CACNA2D1: variants seen among roughly 807,000 people sequenced by gnomAD.
CACNA2D1 encodes the protein calcium voltage-gated channel auxiliary subunit alpha2delta 1, also known as voltage-dependent calcium channel subunit alpha-2/delta-1.
A neutral mutation model predicts 171.5 loss-of-function variants in CACNA2D1; 53 were observed. The ratio of observed to expected loss-of-function variants is 0.31; its 90% CI spans 0.25 to 0.39. CACNA2D1 has a LOEUF of 0.39. Among genes scored for constraint, CACNA2D1 ranks in the 10% least tolerant of loss-of-function variants. CACNA2D1 has a pLI of 1.00. For synonymous variants in CACNA2D1, 442 were observed against 443.1 expected (o/e 1.00, Z 0.03); for missense variants, 903 against 1,299.8 (o/e 0.69, Z 4.69).
At chr7:82,079,828 G>A (rs1052641592) in intron 7 of CACNA2D1, among the ~76,000 whole-genome samples, 1 of 151,758 alleles carries the variant, frequency 6.6e-6, no homozygotes, top group Non-Finnish European at 1.5e-5. Flanking sequence ...TAGAGAGGAG[G>A]AATAAATTCA....
intron 3 of CACNA2D1, among the ~76,000 whole-genome samples, chr7:82,323,472 G>A (rs1816254669): frequency 6.6e-6 from 1 of 152,144 alleles, no homozygotes; most frequent in Non-Finnish European, 1.5e-5. Context: ...CTATGCGCAG[G>A]ACCAGCCAGC....
chr7:82,237,591 T>C (rs1246056722), intron 3 of CACNA2D1, among the ~76,000 whole-genome samples: 3 of 151,986 alleles, frequency 2.0e-5, no homozygotes, highest in Non-Finnish European at 2.9e-5. Flanking sequence ...TTTGATCTAA[T>C]TGGATTATTT....
intron 1 of CACNA2D1, among the ~76,000 whole-genome samples, chr7:82,351,280 T>C (rs1819817465): frequency 6.6e-6 from 1 of 151,338 alleles, no homozygotes; most frequent in Non-Finnish European, 1.5e-5. Flanking sequence ...GTAAGTAGTA[T>C]AAATATATAT....
intron 1 of CACNA2D1, among the ~76,000 whole-genome samples, chr7:82,374,362 A>G (rs1025779316): frequency 2.6e-5 from 4 of 152,218 alleles, no homozygotes; most frequent in Non-Finnish European, 4.4e-5. Context: ...CCATTCTCCT[A>G]TCAAATCAGA....
chr7:82,348,865 G>A (rs1269887709), intron 2 of CACNA2D1, among the ~76,000 whole-genome samples: 1 of 152,028 alleles, frequency 6.6e-6, no homozygotes, highest in African/African-American at 2.4e-5. Flanking sequence ...CGAAAGTAGT[G>A]GGGCCCTTAA....
At chr7:82,248,238 T>C (rs191805851) in intron 3 of CACNA2D1, among the ~76,000 whole-genome samples, 1 of 152,180 alleles carries the variant, frequency 6.6e-6, no homozygotes, top group African/African-American at 2.4e-5. Flanking sequence ...TCACTTTGAC[T>C]GTTTTTTCTA....
chr7:82,219,923 C>T (rs1319847179), intron 3 of CACNA2D1, among the ~76,000 whole-genome samples: 2 of 152,082 alleles, frequency 1.3e-5, no homozygotes, highest in South Asian at 4.1e-4. Flanking sequence ...AGGTTTTCAA[C>T]GGATTTTATA....
chr7:82,081,571 G>C (rs1429250573), intron 7 of CACNA2D1, among the ~76,000 whole-genome samples: 1 of 152,140 alleles, frequency 6.6e-6, no homozygotes, highest in Non-Finnish European at 1.5e-5. Context: ...CCTGTTATTT[G>C]GTGAGTCATT....
At chr7:82,140,959 A>G (rs890939138) in intron 4 of CACNA2D1, among the ~76,000 whole-genome samples, 2 of 131,164 alleles carry the variant, frequency 1.5e-5, no homozygotes, top group African/African-American at 2.7e-5. Flanking sequence ...GTCTCTAAAA[A>G]AAAAAAAAAA....
At chr7:82,340,754 G>C (rs1818535750) in intron 2 of CACNA2D1, among the ~76,000 whole-genome samples, 1 of 152,128 alleles carries the variant, frequency 6.6e-6, no homozygotes, top group African/African-American at 2.4e-5. Flanking sequence ...TAAGAAGAAA[G>C]ATGACAGAAA....
chr7:82,045,764 C>T (rs1270131945), intron 10 of CACNA2D1, among the ~76,000 whole-genome samples: 2 of 152,048 alleles, frequency 1.3e-5, no homozygotes, highest in African/African-American at 4.8e-5. Flanking sequence ...ACTTGATATC[C>T]ATTAAGTTGT....
intron 12 of CACNA2D1, among the ~76,000 whole-genome samples, chr7:82,026,381 G>T (rs1484771514): frequency 6.6e-6 from 1 of 150,740 alleles, no homozygotes; most frequent in Non-Finnish European, 1.5e-5. Flanking sequence ...TTGTCATTTT[G>T]ATATTTTAAA....
chr7:82,107,245 T>C (rs1443563719), intron 6 of CACNA2D1, among the ~76,000 whole-genome samples: 1 of 152,038 alleles, frequency 6.6e-6, no homozygotes, highest in African/African-American at 2.4e-5. Context: ...CCCAGGGCCA[T>C]GGAAGGAATG....
chr7:82,019,801 A>G (rs1800966866), intron 12 of CACNA2D1, among the ~76,000 whole-genome samples: 2 of 152,232 alleles, frequency 1.3e-5, no homozygotes, highest in South Asian at 4.1e-4. Context: ...AATAATGGAA[A>G]TTAGTCTATG....
In CACNA2D1 at chr7:82,001,605, C is replaced by G. The variant is rs1195169997; in HGVS notation, c.1590+3818G>C. On this transcript the variant is annotated intron_variant, in intron 18 of 38. Transcript: ENST00000356860. The stretch of plus-strand genomic sequence containing the variant: ...TTTAAGAACAGAAGCTTAATCCCAA[C>G]TTGGATTTAGCAAATTTGAAAGCAC... 6.6e-6 allele frequency: 4 copies of G among 605,846 alleles called. No homozygotes were observed. In the African/African-American group the frequency reaches 7.7e-5, roughly 12 times the overall value. The allele number at this position is 605,846 out of a possible 1,614,324, so 37.5% of individuals were successfully genotyped here. A position where few individuals can be genotyped will look rare whatever the true frequency, so the allele number is the denominator to read the frequency against.
chr7:82,386,839 T>C (rs1824465788), intron 1 of CACNA2D1, among the ~76,000 whole-genome samples: 1 of 151,674 alleles, frequency 6.6e-6, no homozygotes, highest in African/African-American at 2.4e-5. Context: ...AATAAAATAC[T>C]GCCCTACATC....
chr7:82,372,867 T>C (rs182662786), intron 1 of CACNA2D1, among the ~76,000 whole-genome samples: 1 of 152,248 alleles, frequency 6.6e-6, no homozygotes, highest in African/African-American at 2.4e-5. Context: ...TATCTTAAGG[T>C]TAAAATGATT....
chr7:82,111,520 TC>T (rs1337201379), intron 6 of CACNA2D1, among the ~76,000 whole-genome samples: 3 of 143,750 alleles, frequency 2.1e-5, no homozygotes, highest in African/African-American at 7.7e-5. Context: ...CAATCATAAC[TC>T]ACTGAAACCT....
intron 3 of CACNA2D1, among the ~76,000 whole-genome samples, chr7:82,233,609 A>C (rs972311729): frequency 2.8e-4 from 43 of 152,140 alleles, no homozygotes; most frequent in African/African-American, 1.0e-3. Context: ...GAAAATAGTA[A>C]TATCAAATTG....
Sources: gnomAD v4.1 joint callset for allele counts (sites outside exome capture counted in the v4.1 genomes callset) on GRCh38, gnomAD v4.1.1 for gene constraint, MANE v1.5 for transcripts, NCBI Gene and HGNC (gene_info 2026-07-23, HGNC 2026-07-21) for gene names.